The following PID1 variants were observed in gnomAD, a reference collection of about 807,000 sequenced individuals.
The protein encoded by PID1 is PTB-containing, cubilin and LRP1-interacting protein.
PID1 carries 10 observed loss-of-function variants against 19.1 expected under a neutral mutation model. The observed-to-expected ratio is 0.52, with a 90% confidence interval of 0.32 to 0.89. The LOEUF is 0.89. PID1 is among the 40% of genes least tolerant of loss of function. The probability of loss-of-function intolerance (pLI) is 0.03; values close to 1 mark genes in which losing one functional copy is unlikely to be tolerated. For missense variants in PID1, 248 were observed against 285.3 expected, an observed-to-expected ratio of 0.87 and a Z score of 0.94; for synonymous variants, 130 against 116.0, an observed-to-expected ratio of 1.12 and a Z score of -0.78.
intron 1 of PID1, among the ~76,000 whole-genome samples, chr2:229,165,590 A>G (rs1690580881): frequency 6.6e-6 from 1 of 152,068 alleles, no homozygotes; most frequent in Admixed American, 6.6e-5. Context: ...AAAAATAAAA[A>G]AAAAAATTGT....
intron 2 of PID1, among the ~76,000 whole-genome samples, chr2:229,106,065 G>T (rs1695172261): frequency 1.0e-5 from 1 of 96,678 alleles, no homozygotes; most frequent in Admixed American, 1.4e-4. Context: ...GGGCAACAGA[G>T]CGAGATTCCG....
intron 1 of PID1, among the ~76,000 whole-genome samples, chr2:229,248,779 C>T (rs1022903143): frequency 2.6e-5 from 4 of 151,934 alleles, no homozygotes; most frequent in African/African-American, 4.8e-5. Context: ...TTTTAAAGTG[C>T]TAAAATCCTC....
intron 2 of PID1, among the ~76,000 whole-genome samples, chr2:229,107,197 C>T (rs1695195049): frequency 6.6e-6 from 1 of 152,124 alleles, no homozygotes; most frequent in South Asian, 2.1e-4. Flanking sequence ...GGCCACGTGA[C>T]CCTGCTGTCA....
At chr2:229,270,060 CTCATTG>C (rs1690694473) in intron 1 of PID1, among the ~76,000 whole-genome samples, 1 of 152,200 alleles carries the variant, frequency 6.6e-6, no homozygotes, top group Non-Finnish European at 1.5e-5. Flanking sequence ...AGGGCCTGGC[CTCATTG>C]TCCTAAGTCT....
intron 1 of PID1, among the ~76,000 whole-genome samples, chr2:229,249,204 T>C (rs1690081228): frequency 6.6e-6 from 1 of 152,210 alleles, no homozygotes; most frequent in Non-Finnish European, 1.5e-5. Flanking sequence ...CTGCAATGTA[T>C]AATATCTTTA....
At chr2:229,118,938 T>C (rs929495162) in intron 2 of PID1, among the ~76,000 whole-genome samples, 1 of 152,164 alleles carries the variant, frequency 6.6e-6, no homozygotes, top group African/African-American at 2.4e-5. Context: ...CTTTAGCCAA[T>C]TGTTTGAAAT....
At chr2:229,130,837 T>C (rs1399220207) in intron 2 of PID1, among the ~76,000 whole-genome samples, 1 of 152,198 alleles carries the variant, frequency 6.6e-6, no homozygotes, top group South Asian at 2.1e-4. Flanking sequence ...TTCTGGAGGC[T>C]AGAAATCCAA....
intron 2 of PID1, among the ~76,000 whole-genome samples, chr2:229,123,215 C>G (rs1320887816): frequency 6.6e-6 from 1 of 152,126 alleles, no homozygotes; most frequent in Non-Finnish European, 1.5e-5. Context: ...AACCACTAAT[C>G]TACCTGTCTC....
chr2:229,200,516 G>T (rs547119867), intron 1 of PID1, among the ~76,000 whole-genome samples: 1 of 152,118 alleles, frequency 6.6e-6, no homozygotes, highest in Admixed American at 6.5e-5. Flanking sequence ...TCCCACGGTA[G>T]CATAATTGTG....
intron 2 of PID1, among the ~76,000 whole-genome samples, chr2:229,031,153 T>G (rs1574568546): frequency 7.4e-6 from 1 of 135,234 alleles, no homozygotes; most frequent in Non-Finnish European, 1.5e-5. Context: ...GAGGCAGAGG[T>G]TGCAGTGAGC....
At chr2:229,233,996 C>T (rs1692271471) in intron 1 of PID1, among the ~76,000 whole-genome samples, 1 of 152,140 alleles carries the variant, frequency 6.6e-6, no homozygotes, top group Non-Finnish European at 1.5e-5. Context: ...ACAGAAAATA[C>T]CCAGAAAATA....
chr2:229,262,435 T>C (rs1690483261), intron 1 of PID1, among the ~76,000 whole-genome samples: 1 of 152,210 alleles, frequency 6.6e-6, no homozygotes, highest in South Asian at 2.1e-4. Flanking sequence ...CTTAGTTGTT[T>C]GCTGTTTTCA....
At chr2:229,101,357 C>T (rs1277380991) in intron 2 of PID1, among the ~76,000 whole-genome samples, 1 of 152,136 alleles carries the variant, frequency 6.6e-6, no homozygotes, top group Non-Finnish European at 1.5e-5. Context: ...TGCATTAGCT[C>T]TTGGGTTTTT....
intron 1 of PID1, among the ~76,000 whole-genome samples, chr2:229,204,609 CAA>C (rs1691566897): frequency 6.6e-6 from 1 of 151,982 alleles, no homozygotes; most frequent in Admixed American, 6.6e-5. Flanking sequence ...GCAATTTAGA[CAA>C]GAGGAGAAAA....
intron 2 of PID1, among the ~76,000 whole-genome samples, chr2:229,107,925 G>A (rs1054218475): frequency 1.8e-4 from 28 of 152,130 alleles, no homozygotes; most frequent in Non-Finnish European, 3.8e-4. Context: ...CTCATCTAAA[G>A]CATTTACGAG....
At chr2:229,058,506 T>A (rs1420610878) in intron 2 of PID1, among the ~76,000 whole-genome samples, 2 of 152,182 alleles carry the variant, frequency 1.3e-5, no homozygotes, top group African/African-American at 4.8e-5. Context: ...CGTGAAGATG[T>A]CCATATGACA....
At chr2:229,101,340 C>A (rs147542285) in intron 2 of PID1, among the ~76,000 whole-genome samples, 1 of 152,112 alleles carries the variant, frequency 6.6e-6, no homozygotes, top group African/African-American at 2.4e-5. Context: ...AGGTATTAAT[C>A]CCAGCATGCA....
rs368725125 is a variant in PID1 at position 229,262,810 on chromosome 2, T to G, written c.30+8204A>C. On this transcript the variant is annotated intron_variant, in intron 1 of 2. Transcript: ENST00000392055. ...GTTGCCAGCAATCCTTGGCATTCCT[T>G]GGCTTATGATGCCATAACTCCGGTT... 5.0e-5 allele frequency: 78 copies of G among 1,551,290 alleles called. No homozygotes were observed. The African/African-American group carries it at 9.4e-4, about 19-fold the overall frequency.
chr2:229,042,546 G>T (rs368781386), intron 2 of PID1, among the ~76,000 whole-genome samples: 2 of 152,140 alleles, frequency 1.3e-5, no homozygotes, highest in African/African-American at 2.4e-5. Context: ...TACTCTGACC[G>T]TCCTGGAGCA....
Sources: allele counts gnomAD v4.1 joint callset (sites outside exome capture counted in the v4.1 genomes callset), GRCh38; gene constraint gnomAD v4.1.1; transcripts MANE v1.5; gene names NCBI Gene and HGNC (gene_info 2026-07-23, HGNC 2026-07-21).